The following TEAD1 variants were observed in gnomAD, a reference collection of about 807,000 sequenced individuals.
TEAD1 encodes the protein TEA domain transcription factor 1, also known as transcriptional enhancer factor TEF-1.
Under a neutral mutation model 54.9 loss-of-function variants are expected in TEAD1, and 9 were observed. That is an observed-to-expected ratio of 0.16 (90% confidence interval 0.10 to 0.29). The LOEUF is 0.29. TEAD1 is among the 10% of genes least tolerant of loss of function. The probability of loss-of-function intolerance (pLI) is 1.00; values close to 1 mark genes in which losing one functional copy is unlikely to be tolerated. For synonymous variants in TEAD1, 200 were observed against 187.8 expected, an observed-to-expected ratio of 1.07 and a Z score of -0.53; for missense variants, 387 against 535.9, an observed-to-expected ratio of 0.72 and a Z score of 2.74.
intron 10 of TEAD1, among the ~76,000 whole-genome samples, chr11:12,903,651 A>G (rs1053902373): frequency 4.6e-5 from 7 of 152,150 alleles, no homozygotes; most frequent in Admixed American, 3.3e-4. Context: ...CCTGTCTACG[A>G]AAAATACAAA....
intron 3 of TEAD1, among the ~76,000 whole-genome samples, chr11:12,842,791 A>C (rs977615446): frequency 6.6e-5 from 10 of 152,204 alleles, no homozygotes; most frequent in African/African-American, 2.4e-4. Context: ...GGAATACAAA[A>C]ATGAACTAAG....
chr11:12,866,718 G>A (rs751893408), intron 5 of TEAD1, among the ~76,000 whole-genome samples: 5 of 152,154 alleles, frequency 3.3e-5, no homozygotes, highest in African/African-American at 7.2e-5. Context: ...AACCACCTCC[G>A]TCTTCTTGTA....
intron 10 of TEAD1, among the ~76,000 whole-genome samples, chr11:12,905,728 C>G (rs1027809318): frequency 2.0e-5 from 3 of 152,078 alleles, no homozygotes; most frequent in Non-Finnish European, 2.9e-5. Context: ...GACTCTATAC[C>G]CAGTCCTTTT....
chr11:12,707,114 CTT>C (rs11366620), intron 2 of TEAD1, among the ~76,000 whole-genome samples: 4,495 of 76,136 alleles, frequency 0.059, 111 homozygotes, highest in African/African-American at 0.14. Flanking sequence ...ACTTGTGGGA[CTT>C]TTTTTTTTTT....
chr11:12,870,006 A>G (rs1422746716), intron 5 of TEAD1, among the ~76,000 whole-genome samples: 2 of 152,072 alleles, frequency 1.3e-5, no homozygotes, highest in African/African-American at 2.4e-5. Flanking sequence ...CAGCCTCCCA[A>G]GTAGCTGGGA....
intron 2 of TEAD1, among the ~76,000 whole-genome samples, chr11:12,761,550 A>C (rs758846194): frequency 6.6e-6 from 1 of 152,214 alleles, no homozygotes; most frequent in Non-Finnish European, 1.5e-5. Flanking sequence ...ATTCAGGGAC[A>C]ACCTCTGAGG....
At chr11:12,857,436 G>A (rs1249189335) in intron 3 of TEAD1, among the ~76,000 whole-genome samples, 2 of 152,116 alleles carry the variant, frequency 1.3e-5, no homozygotes. Context: ...GGACAGGCGT[G>A]GTGTAAGGCA....
Position 12,814,837 on chromosome 11 carries a change from G to C in TEAD1, c.203-47413G>C, listed in dbSNP as rs1007683040. Among the ~76,000 whole-genome samples, 20 of 130,618 alleles carry C rather than the reference G, an allele frequency of 1.5e-4. No homozygotes were observed. In the East Asian group the frequency reaches 3.3e-3, roughly 22 times the overall value. 85.7% of individuals were successfully genotyped at this position (130,618 alleles called of 152,430 possible). On this transcript the variant is annotated intron_variant, in intron 3 of 12. Transcript: ENST00000527636. ...TGTGTGTGTGTGTGTGTGTGTGTGT[G>C]TGTCCCCGTCCGTCCCGAGCTGTGT...
intron 9 of TEAD1, among the ~76,000 whole-genome samples, chr11:12,885,138 A>G (rs2134103134): frequency 6.6e-6 from 1 of 152,310 alleles, no homozygotes; most frequent in South Asian, 2.1e-4. Flanking sequence ...CTTAAGATTA[A>G]ACAGAAGGAA....
intron 9 of TEAD1, among the ~76,000 whole-genome samples, chr11:12,883,936 G>C (rs1481788605): frequency 6.6e-6 from 1 of 151,396 alleles, no homozygotes; most frequent in African/African-American, 2.4e-5. Context: ...CGGAGGTTGC[G>C]GTGAGCCAAG....
chr11:12,723,065 C>T (rs1392861265), intron 2 of TEAD1, among the ~76,000 whole-genome samples: 3 of 151,118 alleles, frequency 2.0e-5, no homozygotes, highest in Non-Finnish European at 4.4e-5. Flanking sequence ...AGGGTGAATT[C>T]CCAGGAGCAG....
rs1946328354 is a variant in TEAD1, at chr11:12,812,639, T to C, written c.202+48205T>C. ...GATAGAATATCTAATATAAAACCTA[T>C]GAAATTTATCAAGAGAAGGCTTAAT... is the stretch of plus-strand genomic sequence containing the variant. On this transcript the variant is annotated intron_variant, in intron 3 of 12. Coordinates refer to ENST00000527636, the MANE Select transcript of TEAD1 (RefSeq NM_021961.6). 1.3e-5 allele frequency among the ~76,000 whole-genome samples: 2 copies of C among 152,202 alleles called. 1 individual carries two copies. Among genetic ancestry groups the C allele is most frequent in the South Asian group, 4.1e-4 (2 of 4,830 alleles).
At chr11:12,851,539 A>G (rs56148676) in intron 3 of TEAD1, among the ~76,000 whole-genome samples, 17,196 of 152,268 alleles carry the variant, frequency 0.11, 1,164 homozygotes, top group South Asian at 0.27. Context: ...CACACCTGTA[A>G]TCCCAGCACT....
intron 2 of TEAD1, among the ~76,000 whole-genome samples, chr11:12,690,113 C>T (rs1459794019): frequency 2.6e-5 from 4 of 151,672 alleles, no homozygotes; most frequent in Non-Finnish European, 5.9e-5. Context: ...TGGTGGCGGC[C>T]GCCTGTAGTG....
intron 5 of TEAD1, among the ~76,000 whole-genome samples, chr11:12,869,965 C>T (rs545706008): frequency 6.6e-5 from 10 of 152,220 alleles, no homozygotes; most frequent in African/African-American, 2.2e-4. Flanking sequence ...TTGCAACCTC[C>T]GCCTCCCGGG....
chr11:12,689,912 C>G (rs1943418252), intron 2 of TEAD1, among the ~76,000 whole-genome samples: 1 of 151,984 alleles, frequency 6.6e-6, no homozygotes, highest in Non-Finnish European at 1.5e-5. Context: ...AAACAACCAA[C>G]TATTGATACC....
chr11:12,861,309 G>A (rs561920178), intron 3 of TEAD1, among the ~76,000 whole-genome samples: 2 of 152,320 alleles, frequency 1.3e-5, no homozygotes, highest in Non-Finnish European at 2.9e-5. Flanking sequence ...TTCCTGGTGG[G>A]ATAGGGCTAG....
chr11:12,888,636 A>C (rs754738122), intron 9 of TEAD1, among the ~76,000 whole-genome samples: 4 of 152,210 alleles, frequency 2.6e-5, no homozygotes, highest in Non-Finnish European at 5.9e-5. Flanking sequence ...GGCTCACCAC[A>C]TATGTCACCC....
chr11:12,772,843 G>A (rs1440974643), intron 3 of TEAD1, among the ~76,000 whole-genome samples: 1 of 152,048 alleles, frequency 6.6e-6, no homozygotes, highest in Non-Finnish European at 1.5e-5. Context: ...ACTAAGTTGT[G>A]TACACTACTT....
Sources: allele counts gnomAD v4.1 joint callset (sites outside exome capture counted in the v4.1 genomes callset), GRCh38; gene constraint gnomAD v4.1.1; transcripts MANE v1.5; gene names NCBI Gene and HGNC (gene_info 2026-07-23, HGNC 2026-07-21).